The following GALNT13 variants were observed in gnomAD, a reference collection of about 807,000 sequenced individuals.
GALNT13 encodes the protein polypeptide N-acetylgalactosaminyltransferase 13.
In GALNT13, 28 loss-of-function variants were observed where a neutral mutation model predicts 64.2. That is an observed-to-expected ratio of 0.44 (90% CI 0.32 to 0.60). The LOEUF (loss-of-function observed/expected upper bound fraction) is 0.60, where lower values mean the gene tolerates loss of function less well. GALNT13 is among the 20% of genes least tolerant of loss of function. The probability of loss-of-function intolerance (pLI) is 0.05; values close to 1 mark genes in which losing one functional copy is unlikely to be tolerated. For missense variants in GALNT13, 577 were observed against 669.8 expected (o/e 0.86, Z 1.53); for synonymous variants, 214 against 224.6 (o/e 0.95, Z 0.42).
intron 11 of GALNT13, among the ~76,000 whole-genome samples, chr2:154,419,052 A>G (rs1278080517): frequency 1.3e-5 from 2 of 152,146 alleles, no homozygotes; most frequent in African/African-American, 2.4e-5. Flanking sequence ...TAAAATAACT[A>G]AAATGAAATC....
the GALNT13 span, among the ~76,000 whole-genome samples, chr2:153,328,770 A>G: frequency 5.9e-5 from 9 of 152,044 alleles, no homozygotes; most frequent in African/African-American, 2.2e-4. Context: ...GCTCAGCAAG[A>G]CCACTCGGCT....
chr2:153,726,962 A>G, the GALNT13 span, among the ~76,000 whole-genome samples: 1 of 151,782 alleles, frequency 6.6e-6, no homozygotes, highest in African/African-American at 2.4e-5. Flanking sequence ...AAAAACAAAA[A>G]AAAAACCACA....
rs116401234 is a variant in GALNT13, at chr2:154,419,663, T to C, written c.1395+10581T>C. Among the ~76,000 whole-genome samples the C allele has an allele frequency of 3.9e-3, 597 of 152,282 alleles. 6 individuals carry two copies. The highest frequency in any genetic ancestry group is 0.014 in the African/African-American group (568 of 41,570). ...GCACAAAGTTGGTTATATGATTCCT[T>C]GTGTCCATAATATTAAAAAACAGCT... On this transcript the variant is annotated intron_variant, in intron 11 of 12. Coordinates refer to ENST00000392825, the MANE Select transcript of GALNT13 (RefSeq NM_052917.4).
chr2:154,190,773 T>C (rs1686531513), intron 4 of GALNT13, among the ~76,000 whole-genome samples: 1 of 152,208 alleles, frequency 6.6e-6, no homozygotes, highest in Admixed American at 6.5e-5. Context: ...TATGTAATTG[T>C]ATTTTTTCCT....
intron 9 of GALNT13, among the ~76,000 whole-genome samples, chr2:154,337,032 C>T (rs1218534584): frequency 6.6e-6 from 1 of 151,926 alleles, no homozygotes; most frequent in Non-Finnish European, 1.5e-5. Context: ...TAAATTATTT[C>T]TCTATAAAAA....
chr2:153,439,329 A>T, the GALNT13 span, among the ~76,000 whole-genome samples: 2 of 152,110 alleles, frequency 1.3e-5, no homozygotes, highest in African/African-American at 4.8e-5. Context: ...TGGGAGAACC[A>T]CTACTCTCTT....
chr2:154,003,309 C>T (rs970996133), intron 3 of GALNT13, among the ~76,000 whole-genome samples: 3 of 152,138 alleles, frequency 2.0e-5, no homozygotes, highest in African/African-American at 7.2e-5. Flanking sequence ...GATTAAACAT[C>T]CACCTTTATT....
the GALNT13 span, among the ~76,000 whole-genome samples, chr2:153,730,853 C>A: frequency 6.6e-6 from 1 of 151,796 alleles, no homozygotes; most frequent in South Asian, 2.1e-4. Flanking sequence ...TTATCTTACA[C>A]CAGTCTGAAT....
At chr2:153,439,348 TCAGA>T in the GALNT13 span, among the ~76,000 whole-genome samples, 2 of 152,176 alleles carry the variant, frequency 1.3e-5, no homozygotes, top group South Asian at 4.1e-4. Flanking sequence ...TTCAAAGCTG[TCAGA>T]CAGGGACATT....
chr2:154,019,753 A>T (rs1383847532), intron 3 of GALNT13, among the ~76,000 whole-genome samples: 1 of 151,670 alleles, frequency 6.6e-6, no homozygotes, highest in African/African-American at 2.4e-5. Flanking sequence ...CACAACGTAC[A>T]GGTTTGTTAC....
the GALNT13 span, among the ~76,000 whole-genome samples, chr2:153,209,888 T>G: frequency 6.6e-6 from 1 of 152,178 alleles, no homozygotes; most frequent in African/African-American, 2.4e-5. Flanking sequence ...TTTCACATTT[T>G]TAAAGTTTTA....
chr2:153,764,292 TTTGGGAGG>T, the GALNT13 span, among the ~76,000 whole-genome samples: 1 of 152,178 alleles, frequency 6.6e-6, no homozygotes, highest in Admixed American at 6.5e-5. Context: ...ATCCCAGCAC[TTTGGGAGG>T]CCAAGGAGGG....
intron 9 of GALNT13, among the ~76,000 whole-genome samples, chr2:154,377,274 G>C (rs1226445861): frequency 8.1e-6 from 1 of 122,894 alleles, no homozygotes. Context: ...GGGTTGTCTG[G>C]GTTCTGTTCA....
At chr2:153,562,152 T>G in the GALNT13 span, among the ~76,000 whole-genome samples, 4 of 151,320 alleles carry the variant, frequency 2.6e-5, no homozygotes, top group Admixed American at 2.6e-4. Flanking sequence ...TAAATATTAT[T>G]TTTTTCTGAA....
the GALNT13 span, among the ~76,000 whole-genome samples, chr2:153,115,849 C>A: frequency 1.3e-5 from 2 of 152,096 alleles, no homozygotes; most frequent in South Asian, 4.1e-4. Flanking sequence ...TAATAAGACT[C>A]CTTTTCTGTG....
chr2:154,282,385 A>G (rs1386551366), intron 8 of GALNT13, among the ~76,000 whole-genome samples: 1 of 152,320 alleles, frequency 6.6e-6, no homozygotes, highest in Admixed American at 6.5e-5. Flanking sequence ...CAACTAAAGT[A>G]AAATAAGCTT....
At chr2:153,874,846 T>C (rs1448744420) in intron 1 of GALNT13, among the ~76,000 whole-genome samples, 1 of 152,180 alleles carries the variant, frequency 6.6e-6, no homozygotes, top group Non-Finnish European at 1.5e-5. Flanking sequence ...ACTTGGCTGG[T>C]GTTCTTTAAC....
chr2:153,610,918 A>G, the GALNT13 span, among the ~76,000 whole-genome samples: 1 of 152,162 alleles, frequency 6.6e-6, no homozygotes, highest in Non-Finnish European at 1.5e-5. Context: ...TTAAAGTCCA[A>G]CTAATAATTT....
At chr2:153,977,365 A>G (rs1267186631) in intron 3 of GALNT13, among the ~76,000 whole-genome samples, 1 of 152,178 alleles carries the variant, frequency 6.6e-6, no homozygotes, top group Non-Finnish European at 1.5e-5. Flanking sequence ...ACAGTTCCTC[A>G]AGGCTGGAGA....
Sources: allele counts gnomAD v4.1 joint callset (sites outside exome capture counted in the v4.1 genomes callset), GRCh38; gene constraint gnomAD v4.1.1; transcripts MANE v1.5; gene names NCBI Gene and HGNC (gene_info 2026-07-23, HGNC 2026-07-21).